EPG5: variants seen among roughly 807,000 people sequenced by gnomAD.
EPG5 encodes ectopic P-granules 5 autophagy tethering factor, also known as ectopic P granules protein 5 homolog.
Under a neutral mutation model 302.7 loss-of-function variants are expected in EPG5, and 159 were observed. That is an observed-to-expected ratio of 0.53 (90% CI 0.46 to 0.60). The LOEUF is 0.60. Ranked by LOEUF, EPG5 falls within the 20% of genes least tolerant of loss-of-function variation. The pLI, the probability that EPG5 is intolerant of heterozygous loss-of-function variation, is 0.00. For missense variants in EPG5, 2,896 were observed against 3,092.4 expected, an observed-to-expected ratio of 0.94 and a Z score of 1.51; for synonymous variants, 1,158 against 1,136.8, an observed-to-expected ratio of 1.02 and a Z score of -0.37.
intron 39 of EPG5, 112 bp from the exon 40 acceptor site, chr18:45,860,458 G>A: frequency 7.4e-7 from 1 of 1,356,210 alleles, no homozygotes; most frequent in East Asian, 2.3e-5. Context: ...ATTTTACAGT[G>A]CTAGTAGCTG....
intron 2 of EPG5, chr18:45,953,926 G>T: frequency 1.0e-6 from 1 of 985,266 alleles, no homozygotes; most frequent in Non-Finnish European, 1.2e-6. Context: ...TTGGATGTTG[G>T]TAGCATTATG....
chr18:45,910,112 A>G (rs1016453375), intron 23 of EPG5, among the ~76,000 whole-genome samples: 2 of 152,036 alleles, frequency 1.3e-5, no homozygotes, highest in Non-Finnish European at 2.9e-5. Context: ...CAGCCTCCCA[A>G]GTAGCTGGGA....
At chr18:45,853,255 C>A (rs1447457775) in intron 43 of EPG5, among the ~76,000 whole-genome samples, 1 of 152,210 alleles carries the variant, frequency 6.6e-6, no homozygotes, top group Non-Finnish European at 1.5e-5. Flanking sequence ...AGCCAACAAG[C>A]ATGAAGTACA....
intron 16 of EPG5, among the ~76,000 whole-genome samples, chr18:45,919,474 G>A (rs1005720265): frequency 6.6e-6 from 1 of 151,230 alleles, no homozygotes; most frequent in African/African-American, 2.4e-5. Context: ...GCACTCAAGA[G>A]AATCACGTCA....
chr18:45,901,061 T>C lies in EPG5; in HGVS notation c.4581A>G (p.Leu1527=), dbSNP rs200617597. The part of the protein sequence containing the change: ...PPVPVISSAV[L]LSQKDATQLV... ...GCTGGGTGGCGTCCTTCTGACTCAA[T>C]AGCACAGCAGAGGAAATAACTGGCA... Residue 1527 remains leucine (L), a synonymous_variant, in exon 26 of 44, where the codon CTA becomes CTG. Transcript: ENST00000282041. 1,927 of 1,614,126 alleles carry C rather than the reference T, an allele frequency of 1.2e-3. 1 individual carries two copies. The highest frequency in any genetic ancestry group is 1.5e-3 in the Non-Finnish European group (1,823 of 1,180,020).
Position 45,857,928 on chromosome 18 carries a change from A to T in EPG5, c.7367T>A (p.Leu2456His). The T allele has an allele frequency of 6.2e-7, 1 of 1,613,026 alleles. No homozygotes were observed. The highest frequency in any genetic ancestry group is 8.5e-7 in the Non-Finnish European group (1 of 1,180,008). Reference protein sequence around the residue: ...ILLLVQSRQNLVAEERLSSGI... With the variant: ...ILLLVQSRQNHVAEERLSSGI... ...AGAGCTGAGTCTCTCCTCAGCCACG[A>T]GGTTCTGCCTGCTCTGAACCAAGAG... Residue 2456 changes from leucine (L) to histidine (H), a missense_variant, in exon 42 of 44, where the codon CTC (leucine) becomes CAC (histidine). Leu to His is a moderately conservative substitution (Grantham distance 99). This residue lies in a region of EPG5 where 620 missense variants were observed against 704.2 expected (regional missense o/e 0.88). Transcript: ENST00000282041.
At chr18:45,842,277 G>A in the EPG5 span, 258 of 1,464,790 alleles carry the variant, frequency 1.8e-4, 2 homozygotes, top group African/African-American at 2.7e-3. Context: ...CCTGGTTCTC[G>A]GGCACCTTGG....
Position 45,852,413 on chromosome 18 carries a change from A to C in EPG5, c.*54T>G, listed in dbSNP as rs2048435688. On this transcript the variant is annotated 3_prime_UTR_variant, in exon 44 of 44. Transcript: ENST00000282041. The stretch of plus-strand genomic sequence containing the variant: ...TGAGCAAAGTTACTTGTGCAACAGC[A>C]AAGTTAAATGTAAACATAAACAGCA... The C allele has an allele frequency of 5.9e-6, 9 of 1,538,082 alleles. No individual in the cohort carries two copies. The South Asian group carries it at 9.9e-5, about 17-fold the overall frequency.
At chr18:45,912,616 T>C (rs1599557093) in intron 21 of EPG5, among the ~76,000 whole-genome samples, 160 bp from the exon 22 acceptor site, 1 of 152,312 alleles carries the variant, frequency 6.6e-6, no homozygotes, top group East Asian at 1.9e-4. Flanking sequence ...ATCCACTAGT[T>C]AACATTTTAA....
In EPG5 at chr18:45,935,043, A is replaced by G. The variant is rs1022425723; in HGVS notation, c.2100-77T>C. On this transcript the variant is annotated intron_variant, in intron 10 of 43. Coordinates refer to ENST00000282041, the MANE Select transcript of EPG5 (RefSeq NM_020964.3). ...GAAAGTAGACAAACCATTGGCTCTC[A>G]AGGAAAAAAAGATTCTTAAATCACA... is the stretch of plus-strand genomic sequence containing the variant. The G allele has an allele frequency of 2.2e-6, 3 of 1,390,976 alleles. No individual in the cohort carries two copies. The African/African-American group carries it at 4.4e-5, about 20-fold the overall frequency. 86.2% of individuals were successfully genotyped at this position (1,390,976 alleles called of 1,614,324 possible).
chr18:45,852,378 A>G lies in EPG5; in HGVS notation c.*89T>C. On this transcript the variant is annotated 3_prime_UTR_variant, in exon 44 of 44. Coordinates refer to ENST00000282041, the MANE Select transcript of EPG5 (RefSeq NM_020964.3). ...CTACACATTGGCCAAACTGAGCTCT[A>G]CAGTGCAATTGAGCAAAGTTACTTG... is the stretch of plus-strand genomic sequence containing the variant. The G allele has an allele frequency of 8.0e-7, 1 of 1,244,172 alleles. No individual in the cohort carries two copies. The highest frequency in any genetic ancestry group is 1.1e-6 in the Non-Finnish European group (1 of 886,982). 77.1% of individuals were successfully genotyped at this position (1,244,172 alleles called of 1,614,324 possible).
chr18:45,952,685 T>A (rs1266970541), intron 2 of EPG5, 42 bp from the exon 3 acceptor site: 1 of 1,602,448 alleles, frequency 6.2e-7, no homozygotes. Flanking sequence ...CCAGTTACTC[T>A]TTCCATTTGA....
rs956643641 is a variant in EPG5 at position 45,880,568 on chromosome 18, T to C, written c.5519-345A>G. 1.2e-4 allele frequency among the ~76,000 whole-genome samples: 18 copies of C among 152,102 alleles called. No homozygotes were observed. The East Asian group carries it at 3.5e-3, about 30-fold the overall frequency. On this transcript the variant is annotated intron_variant, in intron 31 of 43. Transcript: ENST00000282041. ...CTGGGGGACCACAGCTATCTATGAG[T>C]GTGACAGAAACAACAGTCACAGGAC... is the stretch of plus-strand genomic sequence containing the variant.
At chr18:45,948,323 A>C (rs2050831872) in intron 6 of EPG5, among the ~76,000 whole-genome samples, 180 bp downstream of exon 6, 1 of 152,222 alleles carries the variant, frequency 6.6e-6, no homozygotes. Context: ...CTTATATATA[A>C]GCAGTTGAAG....
chr18:45,937,289 C>T (rs1233249333), intron 10 of EPG5, among the ~76,000 whole-genome samples: 4 of 149,644 alleles, frequency 2.7e-5, no homozygotes, highest in East Asian at 2.0e-4. Context: ...TATGTATACA[C>T]ACACATACAC....
intron 1 of EPG5, among the ~76,000 whole-genome samples, chr18:45,961,365 T>C (rs532220411): frequency 2.0e-5 from 3 of 152,318 alleles, no homozygotes; most frequent in African/African-American, 7.2e-5. Flanking sequence ...GCTACTTTTC[T>C]GACTTCATCT....
the EPG5 span, among the ~76,000 whole-genome samples, chr18:45,833,457 G>A: frequency 6.6e-6 from 1 of 151,924 alleles, no homozygotes; most frequent in Non-Finnish European, 1.5e-5. Context: ...GGATTACAGG[G>A]GACCATCACC....
At chr18:45,937,397 T>TAC (rs925699555) in intron 10 of EPG5, among the ~76,000 whole-genome samples, 12 of 150,820 alleles carry the variant, frequency 8.0e-5, no homozygotes, top group Admixed American at 2.0e-4. Context: ...CACATATATA[T>TAC]ACACACACAC....
At chr18:45,860,053 A>G (rs1599429385) in intron 40 of EPG5, 51 bp downstream of exon 40, 1 of 1,601,098 alleles carries the variant, frequency 6.2e-7, no homozygotes, top group Non-Finnish European at 8.5e-7. Context: ...CAATGCTTTC[A>G]TCTTTCTGGA....
Sources: allele counts gnomAD v4.1 joint callset (sites outside exome capture counted in the v4.1 genomes callset), GRCh38; gene constraint gnomAD v4.1.1; regional missense constraint gnomAD v4.1.1; transcripts MANE v1.5; gene names NCBI Gene and HGNC (gene_info 2026-07-23, HGNC 2026-07-21).